The following CTNNA1 variants were observed in gnomAD, a reference collection of about 807,000 sequenced individuals.
The protein encoded by CTNNA1 is catenin alpha 1, also known as catenin alpha-1.
Under a neutral mutation model 98.4 loss-of-function variants are expected in CTNNA1, and 37 were observed. The observed-to-expected ratio is 0.38, with a 90% CI of 0.29 to 0.49. The LOEUF (loss-of-function observed/expected upper bound fraction) is 0.49, where lower values mean the gene tolerates loss of function less well. Among genes scored for constraint, CTNNA1 ranks in the 20% least tolerant of loss-of-function variants. The probability of loss-of-function intolerance (pLI) is 0.95; values close to 1 mark genes in which losing one functional copy is unlikely to be tolerated. For synonymous variants in CTNNA1, 404 were observed against 413.2 expected (o/e 0.98, Z 0.27); for missense variants, 761 against 1,147.2 (o/e 0.66, Z 4.86).
At chr5:138,845,082 A>G (rs1187956769) in intron 7 of CTNNA1, among the ~76,000 whole-genome samples, 2 of 152,212 alleles carry the variant, frequency 1.3e-5, no homozygotes, top group Admixed American at 6.5e-5. Flanking sequence ...GACTTGAGCA[A>G]TACGGGGCTT....
At chr5:138,921,514 T>G (rs1486686957) in intron 11 of CTNNA1, among the ~76,000 whole-genome samples, 3 of 152,186 alleles carry the variant, frequency 2.0e-5, no homozygotes, top group Non-Finnish European at 4.4e-5. Flanking sequence ...ACCTAAATGT[T>G]GGTTTTGTGT....
At chr5:138,809,140 A>G (rs988277747) in intron 3 of CTNNA1, among the ~76,000 whole-genome samples, 31 of 152,322 alleles carry the variant, frequency 2.0e-4, no homozygotes, top group African/African-American at 6.3e-4. Flanking sequence ...GTAAGCCACC[A>G]TGCCCAGCCT....
At chr5:138,836,481 C>G (rs185556055) in intron 7 of CTNNA1, among the ~76,000 whole-genome samples, 3 of 152,318 alleles carry the variant, frequency 2.0e-5, no homozygotes, top group Non-Finnish European at 2.9e-5. Flanking sequence ...ATTTGTGTTG[C>G]TTTCAAAGAG....
chr5:138,904,492 C>G lies in CTNNA1; in HGVS notation c.1389+51C>G, dbSNP rs749042208. The stretch of plus-strand genomic sequence containing the variant: ...AGCATAACCAAATTAAATTTTGATT[C>G]AAGTGGAGATGAGGTTTATTTTGTT... On this transcript the variant is annotated intron_variant, in intron 10 of 17. Coordinates refer to ENST00000302763, the MANE Select transcript of CTNNA1 (RefSeq NM_001903.5). 3.2e-6 allele frequency: 5 copies of G among 1,582,252 alleles called. No homozygotes were observed. The South Asian group carries it at 5.7e-5, about 18-fold the overall frequency.
rs564457218 is a variant in CTNNA1 at position 138,757,918 on chromosome 5, ATTC to A, written c.-3+4415_-3+4417del. ...GCAAACTGAGAACCATCTACAGCCC[ATTC>A]TTCTTCCTTGCCACCCAGATCTAAT... On this transcript the variant is annotated intron_variant, in intron 1 of 17. Coordinates refer to ENST00000302763, the MANE Select transcript of CTNNA1 (RefSeq NM_001903.5). Among the ~76,000 whole-genome samples the A allele has an allele frequency of 7.0e-4, 106 of 152,178 alleles. 1 individual carries two copies. The highest frequency in any genetic ancestry group is 2.4e-3 in the African/African-American group (101 of 41,526).
At chr5:138,759,751 T>A (rs1385434530) in intron 1 of CTNNA1, among the ~76,000 whole-genome samples, 1 of 152,174 alleles carries the variant, frequency 6.6e-6, no homozygotes, top group Admixed American at 6.6e-5. Flanking sequence ...TGCCCGTGGC[T>A]GGGGGCTAGG....
At chr5:138,763,518 A>T (rs956636603) in intron 1 of CTNNA1, among the ~76,000 whole-genome samples, 4 of 152,060 alleles carry the variant, frequency 2.6e-5, no homozygotes, top group Non-Finnish European at 5.9e-5. Context: ...AATTTTTTAC[A>T]TTTTTAGTAG....
Position 138,887,051 on chromosome 5 carries a change from C to G in CTNNA1, c.1144-439C>G, listed in dbSNP as rs76373239. 7.0e-3 allele frequency among the ~76,000 whole-genome samples: 1,068 copies of G among 152,148 alleles called. 16 individuals are homozygous for G. Among genetic ancestry groups the G allele is most frequent in the African/African-American group, 0.024 (1,016 of 41,504 alleles). On this transcript the variant is annotated intron_variant, in intron 8 of 17. Transcript: ENST00000302763. ...AAAGAGAACCTTAAGTTTTAAGGTT[C>G]ATAGTGTGTGAATCCTTTCAGATAA... is the stretch of plus-strand genomic sequence containing the variant.
chr5:138,888,970 T>C (rs1343895475), intron 9 of CTNNA1, among the ~76,000 whole-genome samples: 1 of 152,216 alleles, frequency 6.6e-6, no homozygotes. Flanking sequence ...ACAGAATACA[T>C]AGGTCAGTCT....
intron 10 of CTNNA1, among the ~76,000 whole-genome samples, chr5:138,916,043 A>G (rs1761655517): frequency 6.6e-6 from 1 of 152,048 alleles, no homozygotes; most frequent in Non-Finnish European, 1.5e-5. Flanking sequence ...AGAAAGACTC[A>G]GTCTCAAAAA....
chr5:138,815,285 G>T (rs1404312622), intron 5 of CTNNA1, among the ~76,000 whole-genome samples: 1 of 151,884 alleles, frequency 6.6e-6, no homozygotes, highest in Non-Finnish European at 1.5e-5. Context: ...AGAAATATTG[G>T]AATTATTATA....
In CTNNA1 at chr5:138,873,113, G is replaced by A. The variant is rs779631552; in HGVS notation, c.1063-13099G>A. On this transcript the variant is annotated intron_variant, in intron 7 of 17. Coordinates refer to ENST00000302763, the MANE Select transcript of CTNNA1 (RefSeq NM_001903.5). The surrounding 1 kb of genome is among the most constrained non-coding windows in gnomAD (Gnocchi z 6.1). The stretch of plus-strand genomic sequence containing the variant: ...ATGGGTGGGTTCATATTCATTATAC[G>A]GTCCTTGGTCTGACATGTTTGACAT... 5 of 1,613,904 alleles carry A rather than the reference G, an allele frequency of 3.1e-6. No homozygotes were observed. The highest frequency in any genetic ancestry group is 4.2e-6 in the Non-Finnish European group (5 of 1,179,858).
chr5:138,905,111 A>AAATACATACATACATACATAC (rs1554105203), intron 10 of CTNNA1, among the ~76,000 whole-genome samples: 5 of 139,324 alleles, frequency 3.6e-5, no homozygotes, highest in South Asian at 2.2e-4. Flanking sequence ...AAAAAAAAAA[A>AAATACATACATACATACATAC]ATACATACAT....
At chr5:138,893,381 G>A (rs1282189710) in intron 9 of CTNNA1, among the ~76,000 whole-genome samples, 9 of 151,980 alleles carry the variant, frequency 5.9e-5, no homozygotes, top group Admixed American at 1.3e-4. Flanking sequence ...TCCTATCAGC[G>A]TGGATGTGGG....
chr5:138,810,330 A>G, intron 4 of CTNNA1, 126 bp downstream of exon 4: 2 of 1,008,688 alleles, frequency 2.0e-6, no homozygotes, highest in Non-Finnish European at 2.9e-6. Context: ...TGGACCAGAG[A>G]TGTTTTTGTT....
At chr5:138,901,929 G>GCC (rs1758128386) in intron 9 of CTNNA1, among the ~76,000 whole-genome samples, 1 of 152,206 alleles carries the variant, frequency 6.6e-6, no homozygotes, top group South Asian at 2.1e-4. Flanking sequence ...TTAGAAGTGA[G>GCC]TAGCCCTGTC....
intron 7 of CTNNA1, among the ~76,000 whole-genome samples, chr5:138,885,623 A>G (rs1753864262): frequency 6.6e-6 from 1 of 152,186 alleles, no homozygotes; most frequent in African/African-American, 2.4e-5. Flanking sequence ...TTTTCTGTGC[A>G]ATATAACTGC....
Position 138,933,858 on chromosome 5 carries a change from G to GCAGA in CTNNA1, c.2494_2497dup (p.Val833AspfsTer46). 6.2e-7 allele frequency: 1 copy of GCAGA among 1,614,180 alleles called. No homozygotes were observed. The highest frequency in any genetic ancestry group is 1.3e-5 in the African/African-American group (1 of 75,052). ...CCAAGAACTTGATGAATGCTGTGGTGCAGACAGTGAAGGCATCCTACGTCG... is the reference window on the plus strand; with the variant it reads ...CCAAGAACTTGATGAATGCTGTGGTGCAGACAGACAGTGAAGGCATCCTACGTCG... On this transcript the variant is annotated frameshift_variant, in exon 18 of 18. Transcript: ENST00000302763. LOFTEE classifies it high-confidence loss of function.
chr5:138,797,397 C>G (rs1757092019), intron 3 of CTNNA1, among the ~76,000 whole-genome samples: 2 of 152,234 alleles, frequency 1.3e-5, no homozygotes, highest in South Asian at 4.2e-4. Flanking sequence ...ACATTGTGAT[C>G]TCCATTCTCA....
Sources: allele counts gnomAD v4.1 joint callset (sites outside exome capture counted in the v4.1 genomes callset), GRCh38; gene constraint gnomAD v4.1.1; non-coding constraint Gnocchi (gnomAD v3.1); transcripts MANE v1.5; gene names NCBI Gene and HGNC (gene_info 2026-07-23, HGNC 2026-07-21).